SMC4: variants seen among roughly 807,000 people sequenced by gnomAD.
SMC4 encodes structural maintenance of chromosomes protein 4.
A neutral mutation model predicts 145.6 loss-of-function variants in SMC4; 87 were observed. The observed-to-expected ratio is 0.60, with a 90% CI of 0.50 to 0.71. The LOEUF is 0.71. SMC4 is among the 30% of genes least tolerant of loss of function. The pLI, the probability that SMC4 is intolerant of heterozygous loss-of-function variation, is 0.00. For missense variants in SMC4, 1,447 were observed against 1,537.1 expected (o/e 0.94, Z 0.98); for synonymous variants, 558 against 500.7 (o/e 1.11, Z -1.53).
intron 5 of SMC4, among the ~76,000 whole-genome samples, chr3:160,409,414 A>T (rs1467648958): frequency 6.6e-6 from 1 of 151,604 alleles, no homozygotes; most frequent in Admixed American, 6.6e-5. Flanking sequence ...TTTTATTTGG[A>T]GAGAGAGGAA....
chr3:160,430,483 AAT>A (rs1433311384), intron 18 of SMC4, 114 bp from the exon 19 acceptor site: 2 of 963,650 alleles, frequency 2.1e-6, no homozygotes, highest in African/African-American at 1.7e-5. Flanking sequence ...TAAACTTAAA[AAT>A]ATATGAATAG....
Position 160,417,905 on chromosome 3 carries a change from A to G in SMC4, c.1620A>G (p.Ala540=). Residue 540 remains alanine, a synonymous_variant, in exon 11 of 24, where the codon GCA becomes GCG. Transcript: ENST00000357388. ...AGACTCTCAAAGAAAGGAAAGCTGC[A>G]ATCAGAGATATAGAAGGAAAACTCC... ...ASETLKERKA[A]IRDIEGKLPQ... 1 of 1,613,196 alleles carries G rather than the reference A, an allele frequency of 6.2e-7. No homozygotes were observed. Among genetic ancestry groups the G allele is most frequent in the Non-Finnish European group, 8.5e-7 (1 of 1,179,628 alleles).
At chr3:160,413,132 TTTTG>T (rs1716198469) in intron 7 of SMC4, among the ~76,000 whole-genome samples, 1 of 151,942 alleles carries the variant, frequency 6.6e-6, no homozygotes, top group Non-Finnish European at 1.5e-5. Context: ...GCTGGGATTT[TTTTG>T]TTTTTATTTT....
intron 13 of SMC4, among the ~76,000 whole-genome samples, chr3:160,422,103 G>A (rs1195422448): frequency 6.6e-6 from 1 of 152,224 alleles, no homozygotes; most frequent in Non-Finnish European, 1.5e-5. Context: ...CCATTTGTCA[G>A]TTGATGGACA....
intron 13 of SMC4, among the ~76,000 whole-genome samples, chr3:160,422,443 TTATGA>T (rs1162132261): frequency 2.0e-5 from 3 of 152,190 alleles, no homozygotes; most frequent in African/African-American, 7.2e-5. Context: ...TCCTGGTGAT[TTATGA>T]TAGTAAAAGT....
At chr3:160,410,279 A>G (rs1245724989) in intron 5 of SMC4, among the ~76,000 whole-genome samples, 2 of 152,210 alleles carry the variant, frequency 1.3e-5, no homozygotes, top group Non-Finnish European at 2.9e-5. Flanking sequence ...TATAATGCCC[A>G]GCATAGCTCT....
intron 21 of SMC4, 65 bp from the exon 22 acceptor site, chr3:160,432,218 T>G: frequency 8.1e-7 from 1 of 1,240,000 alleles, no homozygotes; most frequent in Non-Finnish European, 1.1e-6. Flanking sequence ...AAGTAATAAT[T>G]AACAATGCTA....
chr3:160,406,097 T>G (rs992024969), intron 5 of SMC4, among the ~76,000 whole-genome samples: 1 of 152,134 alleles, frequency 6.6e-6, no homozygotes, highest in African/African-American at 2.4e-5. Context: ...AGTAAATAAT[T>G]TATAAATTGT....
intron 5 of SMC4, among the ~76,000 whole-genome samples, chr3:160,405,020 T>C (rs1456999116): frequency 6.6e-6 from 1 of 152,104 alleles, no homozygotes; most frequent in Non-Finnish European, 1.5e-5. Context: ...ATTTAATCTT[T>C]GTAACACTTT....
At chr3:160,410,404 G>GT (rs1486383321) in intron 5 of SMC4, among the ~76,000 whole-genome samples, 3 of 152,182 alleles carry the variant, frequency 2.0e-5, no homozygotes, top group Non-Finnish European at 4.4e-5. Context: ...CGTTCATCCT[G>GT]TGTAATCCAA....
intron 1 of SMC4, 117 bp from the exon 2 acceptor site, chr3:160,400,705 T>C: frequency 7.8e-7 from 1 of 1,281,656 alleles, no homozygotes; most frequent in Non-Finnish European, 1.0e-6. Flanking sequence ...CCGCTGCCTC[T>C]AAGCGGAGTG....
At chr3:160,416,099 G>A in intron 9 of SMC4, 152 bp from the exon 10 acceptor site, 1 of 443,126 alleles carries the variant, frequency 2.3e-6, no homozygotes, top group Non-Finnish European at 4.0e-6. Flanking sequence ...TGAATAGTCG[G>A]GAAAATACTT....
At chr3:160,400,516 C>T (rs1714445862) in intron 1 of SMC4, 1 of 302,464 alleles carries the variant, frequency 3.3e-6, no homozygotes, top group East Asian at 6.6e-5. Flanking sequence ...ATATTATACG[C>T]TTATACTATG....
intron 7 of SMC4, 30 bp from the exon 8 acceptor site, chr3:160,413,443 A>G (rs530480494): frequency 8.4e-5 from 131 of 1,561,426 alleles, no homozygotes; most frequent in Non-Finnish European, 1.1e-4. Flanking sequence ...TAGGAGCTTC[A>G]ATTTCTTTTT....
chr3:160,419,574 A>AT, intron 12 of SMC4, 31 bp downstream of exon 12: 1 of 1,527,882 alleles, frequency 6.5e-7, no homozygotes, highest in South Asian at 1.3e-5. Context: ...GCATGGCTTT[A>AT]CTTTTTTTTT....
intron 11 of SMC4, among the ~76,000 whole-genome samples, chr3:160,418,649 C>T (rs1716834446): frequency 6.6e-6 from 1 of 152,194 alleles, no homozygotes; most frequent in Admixed American, 6.5e-5. Context: ...CTGCTTCTGT[C>T]TTCCTGGGAT....
intron 22 of SMC4, chr3:160,432,745 T>C (rs1435624870): frequency 1.9e-6 from 1 of 527,828 alleles, no homozygotes; most frequent in Non-Finnish European, 3.3e-6. Context: ...TCAAGGCATT[T>C]TTAACATGAG....
rs1385087873 is a variant in SMC4 at position 160,428,868 on chromosome 3, TA to T, written c.2725del (p.Ile909Ter). 1 of 1,605,384 alleles carries T rather than the reference TA, an allele frequency of 6.2e-7. No individual in the cohort carries two copies. Among genetic ancestry groups the T allele is most frequent in the African/African-American group, 1.3e-5 (1 of 74,176 alleles). ...KLKAQQDKLD[K>X]INKQLDECAS... ...TCAAGGCCCAACAAGACAAACTTGA[TA>T]AAATAAATAAGCAATTAGATGAATG... is the stretch of plus-strand genomic sequence containing the variant. On this transcript the variant is annotated frameshift_variant, in exon 18 of 24. Coordinates refer to ENST00000357388, the MANE Select transcript of SMC4 (RefSeq NM_001002800.3). LOFTEE classifies it high-confidence loss of function.
In SMC4 at chr3:160,425,022, A is replaced by ATC; in HGVS notation, c.2478+4_2478+5insCT. 1 of 1,468,122 alleles carries ATC rather than the reference A, an allele frequency of 6.8e-7. No individual in the cohort carries two copies. Among genetic ancestry groups the ATC allele is most frequent in the Non-Finnish European group, 9.2e-7 (1 of 1,090,112 alleles). 90.9% of individuals were successfully genotyped at this position (1,468,122 alleles called of 1,614,324 possible). On this transcript the variant is annotated splice_donor_region_variant and intron_variant, in intron 16 of 23. Coordinates refer to ENST00000357388, the MANE Select transcript of SMC4 (RefSeq NM_001002800.3). ...AAAAATTTACTGCAAGCATCCAGGT[A>ATC]TGTGTGTGTGTGTGTGTGTGTGTGT...
Sources: gnomAD v4.1 joint callset for allele counts (sites outside exome capture counted in the v4.1 genomes callset) on GRCh38, gnomAD v4.1.1 for gene constraint, MANE v1.5 for transcripts, NCBI Gene and HGNC (gene_info 2026-07-23, HGNC 2026-07-21) for gene names.